The following P2RY6 variants were observed in gnomAD, a reference collection of about 807,000 sequenced individuals.
The protein encoded by P2RY6 is pyrimidinergic receptor P2Y6, also known as P2Y purinoceptor 6.
Under a neutral mutation model 16.3 loss-of-function variants are expected in P2RY6, and 19 were observed. The ratio of observed to expected loss-of-function variants is 1.16; its 90% CI spans 0.81 to 1.71. The LOEUF (loss-of-function observed/expected upper bound fraction) is 1.71. Ranked by LOEUF, P2RY6 falls within the 40% of genes most tolerant of loss-of-function variation. P2RY6 has a pLI of 0.00. For missense variants in P2RY6, 389 were observed against 455.5 expected (o/e 0.85, Z 1.33); for synonymous variants, 184 against 201.5 (o/e 0.91, Z 0.74).
intron 1 of P2RY6, among the ~76,000 whole-genome samples, chr11:73,279,945 G>T (rs142875621): frequency 9.2e-5 from 14 of 152,310 alleles, no homozygotes; most frequent in African/African-American, 3.1e-4. Context: ...CCTTACCTTA[G>T]GCTTCCTGTG....
At chr11:73,281,975 T>C (rs1863782745) in intron 1 of P2RY6, among the ~76,000 whole-genome samples, 1 of 152,170 alleles carries the variant, frequency 6.6e-6, no homozygotes, top group Admixed American at 6.5e-5. Flanking sequence ...TCAGGCTTGA[T>C]GACTGGACAC....
intron 1 of P2RY6, among the ~76,000 whole-genome samples, chr11:73,274,699 G>A (rs1863461413): frequency 6.6e-6 from 1 of 152,204 alleles, no homozygotes; most frequent in African/African-American, 2.4e-5. Context: ...TCAGTGTCCA[G>A]GCCCCAGAGC....
upstream of P2RY6, chr11:73,271,949 T>A (rs1253507287): frequency 1.3e-5 from 2 of 152,104 alleles, no homozygotes; most frequent in Non-Finnish European, 2.9e-5. Flanking sequence ...AATGGTTTCC[T>A]GCGGCAGCAA....
At chr11:73,291,525 C>T (rs1052816578) in intron 1 of P2RY6, among the ~76,000 whole-genome samples, 9 of 152,240 alleles carry the variant, frequency 5.9e-5, no homozygotes, top group African/African-American at 2.2e-4. Context: ...TAGCACAGGC[C>T]TGAGCAAGCA....
chr11:73,282,067 A>C (rs1163402077), intron 1 of P2RY6, among the ~76,000 whole-genome samples: 2 of 152,076 alleles, frequency 1.3e-5, no homozygotes, highest in East Asian at 3.9e-4. Context: ...TCCACCTGTG[A>C]CCTGCGAGCT....
At chr11:73,264,741 G>C (rs1264518059) in intron 1 of P2RY6, 1 of 152,384 alleles carries the variant, frequency 6.6e-6, no homozygotes, top group Non-Finnish European at 1.5e-5. Flanking sequence ...CGGCCAGTCA[G>C]GGCGGGTGCC....
intron 1 of P2RY6, among the ~76,000 whole-genome samples, chr11:73,278,234 C>A (rs1316462881): frequency 1.3e-5 from 2 of 151,928 alleles, no homozygotes; most frequent in Non-Finnish European, 2.9e-5. Context: ...TGCAGTGGTG[C>A]GATCTCGGCT....
chr11:73,281,718 C>T (rs1314967245), intron 1 of P2RY6, among the ~76,000 whole-genome samples: 1 of 152,236 alleles, frequency 6.6e-6, no homozygotes, highest in African/African-American at 2.4e-5. Flanking sequence ...CCACAGCTGA[C>T]ATCCCATGTC....
chr11:73,285,394 C>T (rs1863930153), intron 1 of P2RY6, among the ~76,000 whole-genome samples: 1 of 152,196 alleles, frequency 6.6e-6, no homozygotes, highest in African/African-American at 2.4e-5. Context: ...TCTTCATGCA[C>T]ACTCCACAGC....
chr11:73,279,741 C>T (rs1417419551), intron 1 of P2RY6, among the ~76,000 whole-genome samples: 3 of 152,228 alleles, frequency 2.0e-5, no homozygotes, highest in Non-Finnish European at 2.9e-5. Flanking sequence ...TTGGTTGCCC[C>T]TGAACCAATC....
chr11:73,297,039 G>T lies in P2RY6; in HGVS notation c.521G>T (p.Arg174Leu), dbSNP rs780427456. 3 of 1,600,754 alleles carry T rather than the reference G, an allele frequency of 1.9e-6. No individual in the cohort carries two copies. Among genetic ancestry groups the T allele is most frequent in the Middle Eastern group, 1.7e-4 (1 of 6,060 alleles). The change falls in exon 3 of 3, where the codon CGC becomes CTC. Residue 174 changes from arginine (R) to leucine (L), a missense_variant. By Grantham distance (102) the Arg-to-Leu change is moderately radical. Transcript: ENST00000540124. ...GCTGCCACAGGCATCCAGCGTAACC[G>T]CACTGTCTGCTATGACCTCAGCCCG... ...IFAATGIQRNRTVCYDLSPPA... is the reference protein window; with the variant it reads ...IFAATGIQRNLTVCYDLSPPA...
At chr11:73,273,944 C>T (rs913454623) in intron 1 of P2RY6, among the ~76,000 whole-genome samples, 12 of 152,194 alleles carry the variant, frequency 7.9e-5, no homozygotes, top group African/African-American at 2.9e-4. Flanking sequence ...TTAAGCAATC[C>T]TCCTGCCTCA....
At chr11:73,294,766 G>A (rs985729883) in intron 1 of P2RY6, among the ~76,000 whole-genome samples, 1 of 152,226 alleles carries the variant, frequency 6.6e-6, no homozygotes, top group African/African-American at 2.4e-5. Context: ...ACCTTACTTA[G>A]TAGGTACAGT....
upstream of P2RY6, among the ~76,000 whole-genome samples, chr11:73,269,378 A>T (rs1863211394): frequency 6.6e-6 from 1 of 152,122 alleles, no homozygotes; most frequent in Admixed American, 6.5e-5. Context: ...CTTCCTCCTC[A>T]TCTTATGTAA....
At chr11:73,292,255 G>C (rs1361381878) in intron 1 of P2RY6, among the ~76,000 whole-genome samples, 1 of 152,252 alleles carries the variant, frequency 6.6e-6, no homozygotes, top group Non-Finnish European at 1.5e-5. Flanking sequence ...CACATAGTAG[G>C]TACTCGATAA....
chr11:73,288,275 T>C (rs903043593), intron 1 of P2RY6, among the ~76,000 whole-genome samples: 1 of 152,220 alleles, frequency 6.6e-6, no homozygotes, highest in Non-Finnish European at 1.5e-5. Flanking sequence ...TCTTGGGAGA[T>C]GCAAGTTCCA....
At chr11:73,276,813 T>A (rs182490216) in intron 1 of P2RY6, among the ~76,000 whole-genome samples, 5 of 152,356 alleles carry the variant, frequency 3.3e-5, no homozygotes, top group Admixed American at 2.0e-4. Context: ...CTTGTGAATA[T>A]GCTAAAAACC....
intron 1 of P2RY6, among the ~76,000 whole-genome samples, chr11:73,279,981 T>C (rs550106349): frequency 6.6e-6 from 1 of 152,278 alleles, no homozygotes; most frequent in East Asian, 1.9e-4. Flanking sequence ...GTAGAAGGAA[T>C]CCTTCTATTT....
chr11:73,290,691 C>T (rs1450781980), intron 1 of P2RY6, among the ~76,000 whole-genome samples: 1 of 152,268 alleles, frequency 6.6e-6, no homozygotes, highest in South Asian at 2.1e-4. Flanking sequence ...GTCCCTCTGG[C>T]CCTTCAGTGC....
Sources: gnomAD v4.1 joint callset for allele counts (sites outside exome capture counted in the v4.1 genomes callset) on GRCh38, gnomAD v4.1.1 for gene constraint, MANE v1.5 for transcripts, NCBI Gene and HGNC (gene_info 2026-07-23, HGNC 2026-07-21) for gene names.